Variants in THSD7A observed in about 807,000 individuals in gnomAD.
THSD7A encodes thrombospondin type 1 domain containing 7A.
A neutral mutation model predicts 231.3 loss-of-function variants in THSD7A; 96 were observed. The observed-to-expected ratio is 0.41, with a 90% CI of 0.35 to 0.49. The LOEUF is 0.49. Among genes scored for constraint, THSD7A ranks in the 20% least tolerant of loss-of-function variants. The probability of loss-of-function intolerance (pLI) is 0.05; values close to 1 mark genes in which losing one functional copy is unlikely to be tolerated. For synonymous variants in THSD7A, 940 were observed against 743.3 expected (o/e 1.26, Z -4.30); for missense variants, 2,290 against 2,070.2 (o/e 1.11, Z -2.06).
chr7:11,587,299 C>T (rs148152458), intron 4 of THSD7A, among the ~76,000 whole-genome samples: 1 of 152,270 alleles, frequency 6.6e-6, no homozygotes, highest in Non-Finnish European at 1.5e-5. Flanking sequence ...CACATATCAG[C>T]TGGCTGAACA....
intron 1 of THSD7A, among the ~76,000 whole-genome samples, chr7:11,679,149 C>T (rs542806399): frequency 2.1e-4 from 32 of 152,228 alleles, no homozygotes; most frequent in African/African-American, 3.9e-4. Context: ...AATTCAACAC[C>T]GCTTCATGCT....
At chr7:11,422,773 C>T (rs1056496577) in intron 16 of THSD7A, among the ~76,000 whole-genome samples, 7 of 152,144 alleles carry the variant, frequency 4.6e-5, no homozygotes, top group Non-Finnish European at 1.0e-4. Flanking sequence ...CTGCCTCAGC[C>T]TCCTGAGTAG....
At chr7:11,794,545 A>C (rs532861275) in intron 1 of THSD7A, among the ~76,000 whole-genome samples, 1 of 152,002 alleles carries the variant, frequency 6.6e-6, no homozygotes, top group South Asian at 2.1e-4. Context: ...ATAAGGATTT[A>C]ATTCAGGTCA....
At chr7:11,541,740 C>T (rs986007655) in intron 5 of THSD7A, 109 bp from the exon 6 acceptor site, 36 of 1,036,586 alleles carry the variant, frequency 3.5e-5, no homozygotes, top group Non-Finnish European at 5.2e-5. Flanking sequence ...AGGTAGAAGT[C>T]ATTTCTGTTT....
chr7:11,446,079 A>T lies in THSD7A; in HGVS notation c.3046T>A (p.Ser1016Thr). The T allele has an allele frequency of 6.2e-7, 1 of 1,613,274 alleles. No individual in the cohort carries two copies. The highest frequency in any genetic ancestry group is 8.5e-7 in the Non-Finnish European group (1 of 1,179,486). The change falls in exon 13 of 28, where the codon TCT becomes ACT. Residue 1016 changes from serine to threonine, a missense_variant. By Grantham distance (58) the Ser-to-Thr change is moderately conservative. Coordinates refer to ENST00000423059, the MANE Select transcript of THSD7A (RefSeq NM_015204.3). This position sits in a 1 kb window ranked among gnomAD's most constrained non-coding sequence, Gnocchi z 4.0. Reference protein sequence around the residue: ...YDQNGRLVETSRCNSHGYIEE... With the variant: ...YDQNGRLVETTRCNSHGYIEE... ...GAATTACCATGGCTGTTACATCTAG[A>T]TGTTTCCACAAGCCTGCCATTTTGA...
chr7:11,637,699 A>G lies in THSD7A; in HGVS notation c.191-738T>C, dbSNP rs948361852. On this transcript the variant is annotated intron_variant, in intron 1 of 27. Transcript: ENST00000423059. The surrounding 1 kb of genome is among the most constrained non-coding windows in gnomAD (Gnocchi z 4.2). ...AGGTTATTTGGGGTCTTATTTATTT[A>G]TTCATTTCTTAAACATGAACTATTT... 2.0e-5 allele frequency among the ~76,000 whole-genome samples: 3 copies of G among 152,144 alleles called. No individual in the cohort carries two copies. The highest frequency in any genetic ancestry group is 7.2e-5 in the African/African-American group (3 of 41,438).
At chr7:11,532,548 T>C (rs765589241) in intron 6 of THSD7A, among the ~76,000 whole-genome samples, 11 of 152,158 alleles carry the variant, frequency 7.2e-5, no homozygotes, top group Non-Finnish European at 1.5e-4. Context: ...TCTATTTTCC[T>C]ACCCATTGAA....
chr7:11,566,041 G>T (rs1437303125), intron 4 of THSD7A, among the ~76,000 whole-genome samples: 2 of 135,904 alleles, frequency 1.5e-5, no homozygotes, highest in African/African-American at 2.8e-5. Context: ...CTATGACAAG[G>T]CTCCTTAAAA....
chr7:11,493,783 A>G (rs965413183), intron 6 of THSD7A, among the ~76,000 whole-genome samples: 4 of 151,742 alleles, frequency 2.6e-5, no homozygotes, highest in Non-Finnish European at 5.9e-5. Flanking sequence ...ACCAGACTGG[A>G]CTCTTTTTTG....
chr7:11,531,559 T>C (rs1466907522), intron 6 of THSD7A, among the ~76,000 whole-genome samples: 1 of 152,222 alleles, frequency 6.6e-6, no homozygotes, highest in African/African-American at 2.4e-5. Context: ...TTGCATTTAA[T>C]GTTCCTTCTG....
chr7:11,593,179 G>A, intron 3 of THSD7A, 75 bp downstream of exon 3: 18 of 1,552,846 alleles, frequency 1.2e-5, no homozygotes, highest in Non-Finnish European at 1.5e-5. Context: ...GTTGCTTAGA[G>A]TACTGTTCAG....
At chr7:11,490,918 TAA>T (rs1786865223) in intron 6 of THSD7A, among the ~76,000 whole-genome samples, 1 of 152,086 alleles carries the variant, frequency 6.6e-6, no homozygotes, top group African/African-American at 2.4e-5. Context: ...TATTGGCACA[TAA>T]AGTTTGTTCA....
chr7:11,612,414 A>G (rs1337944269), intron 2 of THSD7A, among the ~76,000 whole-genome samples: 1 of 152,234 alleles, frequency 6.6e-6, no homozygotes, highest in East Asian at 1.9e-4. Flanking sequence ...GTCATGTCAC[A>G]CATCCTTTCT....
At chr7:11,625,533 A>G (rs1584103806) in intron 2 of THSD7A, among the ~76,000 whole-genome samples, 1 of 152,160 alleles carries the variant, frequency 6.6e-6, no homozygotes, top group East Asian at 1.9e-4. Flanking sequence ...GGAAAAAGCT[A>G]GATAATCCCT....
chr7:11,706,630 CTTTTTTTTTT>C (rs66964252), intron 1 of THSD7A, among the ~76,000 whole-genome samples: 5 of 66,392 alleles, frequency 7.5e-5, no homozygotes, highest in Admixed American at 6.2e-4. Flanking sequence ...TAACAAGGTG[CTTTTTTTTTT>C]TTTTTTTTTT....
intron 1 of THSD7A, among the ~76,000 whole-genome samples, chr7:11,667,426 TTTA>T (rs1433198588): frequency 6.6e-6 from 1 of 152,200 alleles, no homozygotes; most frequent in Non-Finnish European, 1.5e-5. Flanking sequence ...TACTTTATCT[TTTA>T]TAAACTCCCC....
chr7:11,386,119 A>C (rs957965698), intron 23 of THSD7A, among the ~76,000 whole-genome samples: 1 of 152,110 alleles, frequency 6.6e-6, no homozygotes, highest in Admixed American at 6.6e-5. Context: ...TCTATCATTG[A>C]TGGGCATTCG....
At chr7:11,537,317 T>G (rs1288503630) in intron 6 of THSD7A, among the ~76,000 whole-genome samples, 2 of 152,208 alleles carry the variant, frequency 1.3e-5, no homozygotes, top group East Asian at 3.8e-4. Flanking sequence ...TTTGGATATG[T>G]GTCCCCACTA....
At chr7:11,503,766 C>T (rs1178670564) in intron 6 of THSD7A, among the ~76,000 whole-genome samples, 1 of 152,182 alleles carries the variant, frequency 6.6e-6, no homozygotes, top group East Asian at 1.9e-4. Flanking sequence ...GAGGTACCAT[C>T]TTACACCAGT....
Sources: allele counts gnomAD v4.1 joint callset (sites outside exome capture counted in the v4.1 genomes callset), GRCh38; gene constraint gnomAD v4.1.1; non-coding constraint Gnocchi (gnomAD v3.1); transcripts MANE v1.5; gene names NCBI Gene and HGNC (gene_info 2026-07-23, HGNC 2026-07-21).